MAML2: variants seen among roughly 807,000 people sequenced by gnomAD.
MAML2 encodes the protein mastermind like transcriptional coactivator 2.
A neutral mutation model predicts 96.1 loss-of-function variants in MAML2; 22 were observed. That is an observed-to-expected ratio of 0.23 (90% CI 0.16 to 0.33). MAML2 has a LOEUF of 0.33. MAML2 is among the 10% of genes least tolerant of loss of function. MAML2 has a pLI of 1.00. For synonymous variants in MAML2, 561 were observed against 521.3 expected, an observed-to-expected ratio of 1.08 and a Z score of -1.04; for missense variants, 1,367 against 1,392.4, an observed-to-expected ratio of 0.98 and a Z score of 0.29.
chr11:96,215,946 C>T (rs774446879), intron 1 of MAML2, among the ~76,000 whole-genome samples: 3 of 152,012 alleles, frequency 2.0e-5, no homozygotes, highest in Non-Finnish European at 4.4e-5. Context: ...AAACACATTT[C>T]AAAAAATTAT....
intron 2 of MAML2, among the ~76,000 whole-genome samples, chr11:96,008,369 G>A (rs1858218690): frequency 1.3e-5 from 2 of 152,210 alleles, no homozygotes; most frequent in Admixed American, 6.5e-5. Flanking sequence ...TGCAGGAAGG[G>A]AGACTGATAT....
intron 1 of MAML2, among the ~76,000 whole-genome samples, chr11:96,179,385 T>C (rs1287008705): frequency 6.6e-6 from 1 of 152,220 alleles, no homozygotes. Context: ...CTTCTCTTTT[T>C]TGTTCTTTAC....
In MAML2 at chr11:96,140,094, C is replaced by A. The variant is rs76017125; in HGVS notation, c.514-46577G>T. On this transcript the variant is annotated intron_variant, in intron 1 of 4. Transcript: ENST00000524717. ...CTTTCTTTATGTGGTTAATTGCTTC[C>A]TGCCTCCATAGATGATTTTATCCAT... 6.7e-3 allele frequency among the ~76,000 whole-genome samples: 1,027 copies of A among 152,320 alleles called. 12 individuals carry two copies. Among genetic ancestry groups the A allele is most frequent in the African/African-American group, 0.022 (929 of 41,570 alleles).
chr11:96,040,939 T>C (rs188078135), intron 2 of MAML2, among the ~76,000 whole-genome samples: 1 of 152,372 alleles, frequency 6.6e-6, no homozygotes, highest in East Asian at 1.9e-4. Context: ...CTTCTTTCTC[T>C]TCAACATTAT....
Position 96,296,428 on chromosome 11 carries a change from G to A in MAML2, c.513+44955C>T, listed in dbSNP as rs186149861. On this transcript the variant is annotated intron_variant, in intron 1 of 4. Coordinates refer to ENST00000524717, the MANE Select transcript of MAML2 (RefSeq NM_032427.4). ...GGGAGGCAGAGGCGAGCGGATCCGA[G>A]GCTAGGAGTTCGAGACCAGCCTGAC... Among the ~76,000 whole-genome samples, 7 of 152,256 alleles carry A rather than the reference G, an allele frequency of 4.6e-5. No individual in the cohort carries two copies. In the East Asian group the frequency reaches 1.4e-3, roughly 29 times the overall value.
intron 1 of MAML2, among the ~76,000 whole-genome samples, chr11:96,154,322 T>G (rs879693388): frequency 6.6e-6 from 1 of 152,334 alleles, no homozygotes; most frequent in East Asian, 1.9e-4. Context: ...AAAATGCAAC[T>G]GGAGGGCTCC....
intron 1 of MAML2, among the ~76,000 whole-genome samples, chr11:96,302,427 C>T (rs999419220): frequency 6.6e-6 from 1 of 152,212 alleles, no homozygotes. Flanking sequence ...AGCCACCCCT[C>T]CTTCTGCATG....
intron 1 of MAML2, among the ~76,000 whole-genome samples, chr11:96,302,761 G>A (rs1052399641): frequency 3.3e-5 from 5 of 152,096 alleles, no homozygotes; most frequent in African/African-American, 1.2e-4. Flanking sequence ...ACTCATGCCT[G>A]GTGCTTGCAA....
At chr11:96,256,199 A>G (rs1862666653) in intron 1 of MAML2, among the ~76,000 whole-genome samples, 1 of 152,018 alleles carries the variant, frequency 6.6e-6, no homozygotes. Flanking sequence ...TATGAACCTC[A>G]GTAAGGTAGG....
chr11:96,116,255 C>G (rs1860238568), intron 1 of MAML2, among the ~76,000 whole-genome samples: 1 of 152,176 alleles, frequency 6.6e-6, no homozygotes, highest in African/African-American at 2.4e-5. Context: ...TAACTGTACA[C>G]TAACATTTGC....
At position 96,093,276 on chromosome 11, in the gene MAML2, G is replaced by A. The variant is rs1199109201; in HGVS notation, c.755C>T (p.Ser252Phe). ...CATGTTAAACAGGCCATTGCCAGGA[G>A]AATGTGTATGGGATGGCAGAGTGTT... ...KTNTLPSHTH[S>F]PGNGLFNMGL... The change falls in exon 2 of 5, where the codon TCT becomes TTT. Residue 252 changes from serine (S) to phenylalanine (F), a missense_variant. Coordinates refer to ENST00000524717, the MANE Select transcript of MAML2 (RefSeq NM_032427.4). 6.2e-7 allele frequency: 1 copy of A among 1,613,932 alleles called. No individual in the cohort carries two copies. The highest frequency in any genetic ancestry group is 1.7e-5 in the Admixed American group (1 of 60,008).
At chr11:95,993,819 T>A (rs1217705899) in intron 2 of MAML2, among the ~76,000 whole-genome samples, 2 of 152,150 alleles carry the variant, frequency 1.3e-5, no homozygotes. Flanking sequence ...TACAAAATAA[T>A]TCTAAGGGCG....
At chr11:96,171,970 A>G (rs1861304627) in intron 1 of MAML2, among the ~76,000 whole-genome samples, 1 of 152,244 alleles carries the variant, frequency 6.6e-6, no homozygotes, top group African/African-American at 2.4e-5. Context: ...GATATCAGAG[A>G]CCATGCCTTC....
At chr11:96,307,849 A>C (rs1477476190) in intron 1 of MAML2, among the ~76,000 whole-genome samples, 1 of 152,116 alleles carries the variant, frequency 6.6e-6, no homozygotes, top group Admixed American at 6.6e-5. Context: ...TTTTATTTTC[A>C]TTTGATGGCC....
rs111704177 is a variant in MAML2, at chr11:96,228,005, G to A, written c.513+113378C>T. Among the ~76,000 whole-genome samples, 687 of 152,338 alleles carry A rather than the reference G, an allele frequency of 4.5e-3. 5 individuals are homozygous for A. The highest frequency in any genetic ancestry group is 0.015 in the African/African-American group (620 of 41,578). On this transcript the variant is annotated intron_variant, in intron 1 of 4. Transcript: ENST00000524717. Reference sequence around the variant, plus strand: ...TAGTCCCAGCCACTCGGGGGGCTGAGGTGGAAGGATCACTTGAACCTGGGA... The same window carrying A: ...TAGTCCCAGCCACTCGGGGGGCTGAAGTGGAAGGATCACTTGAACCTGGGA...
At chr11:96,035,210 T>A (rs1168899679) in intron 2 of MAML2, among the ~76,000 whole-genome samples, 1 of 152,118 alleles carries the variant, frequency 6.6e-6, no homozygotes, top group Non-Finnish European at 1.5e-5. Flanking sequence ...GTGAGATAGG[T>A]CAAGAGAGGG....
chr11:95,988,649 C>A lies in MAML2; in HGVS notation c.2343+2871G>T, dbSNP rs554826633. On this transcript the variant is annotated intron_variant, in intron 3 of 4. Coordinates refer to ENST00000524717, the MANE Select transcript of MAML2 (RefSeq NM_032427.4). ...TTAGGTTTCTTAAACTACTCGTTCA[C>A]AAATGACTTAGATTAATAACCTTGC... is the stretch of plus-strand genomic sequence containing the variant. 1.4e-4 allele frequency among the ~76,000 whole-genome samples: 21 copies of A among 150,606 alleles called. 1 individual carries two copies. Among genetic ancestry groups the A allele is most frequent in the African/African-American group, 5.1e-4 (21 of 41,150 alleles).
At chr11:96,111,060 G>T (rs1464576896) in intron 1 of MAML2, among the ~76,000 whole-genome samples, 1 of 152,148 alleles carries the variant, frequency 6.6e-6, no homozygotes, top group Non-Finnish European at 1.5e-5. Context: ...CAGAAAATAA[G>T]GGAGTGGGGA....
intron 1 of MAML2, among the ~76,000 whole-genome samples, chr11:96,147,785 C>T (rs892977548): frequency 6.6e-6 from 1 of 152,138 alleles, no homozygotes; most frequent in Non-Finnish European, 1.5e-5. Flanking sequence ...GTATGATTTC[C>T]GAATCTATCA....
Sources: allele counts gnomAD v4.1 joint callset (sites outside exome capture counted in the v4.1 genomes callset), GRCh38; gene constraint gnomAD v4.1.1; transcripts MANE v1.5; gene names NCBI Gene and HGNC (gene_info 2026-07-23, HGNC 2026-07-21).